PPP5C: variants seen among roughly 807,000 people sequenced by gnomAD.
The protein encoded by PPP5C is protein phosphatase 5 catalytic subunit.
In PPP5C, 21 loss-of-function variants were observed where a neutral mutation model predicts 66.7. The ratio of observed to expected loss-of-function variants is 0.31; its 90% CI spans 0.22 to 0.45. The LOEUF is 0.45. Ranked by LOEUF, PPP5C falls within the 20% of genes least tolerant of loss-of-function variation. The pLI is 1.00. For missense variants in PPP5C, 464 were observed against 675.9 expected (o/e 0.69, Z 3.48); for synonymous variants, 246 against 257.4 (o/e 0.96, Z 0.43).
chr19:46,369,425 G>A (rs1018087093), intron 2 of PPP5C, among the ~76,000 whole-genome samples: 2 of 152,168 alleles, frequency 1.3e-5, no homozygotes, highest in African/African-American at 4.8e-5. Context: ...GAGGTCAGGA[G>A]ATCAAGACCA....
chr19:46,347,156 G>C lies in PPP5C; in HGVS notation c.60G>C (p.Pro20=), dbSNP rs1217542277. ...ECAEPPRDEP[P]ADGALKRAEE... ...CTGAGCCCCCCCGGGACGAACCCCC[G>C]GCTGATGGAGCTCTGAAGCGGGCAG... Residue 20 remains proline (P), a synonymous_variant, in exon 1 of 13, where the codon CCG becomes CCC. Transcript: ENST00000012443. 1 of 1,605,224 alleles carries C rather than the reference G, an allele frequency of 6.2e-7. No homozygotes were observed. The highest frequency in any genetic ancestry group is 1.3e-5 in the African/African-American group (1 of 74,744).
At chr19:46,380,483 A>G (rs1972771630) in intron 4 of PPP5C, among the ~76,000 whole-genome samples, 1 of 152,196 alleles carries the variant, frequency 6.6e-6, no homozygotes, top group East Asian at 1.9e-4. Flanking sequence ...TACACAGAAA[A>G]TGTCTTTTAT....
chr19:46,380,632 C>T (rs140411384), intron 4 of PPP5C, among the ~76,000 whole-genome samples: 183 of 152,280 alleles, frequency 1.2e-3, no homozygotes, highest in African/African-American at 4.2e-3. Flanking sequence ...CTTTGGTCTG[C>T]CTGAAAATGT....
intron 2 of PPP5C, among the ~76,000 whole-genome samples, chr19:46,358,800 G>A (rs956891469): frequency 6.6e-6 from 1 of 152,156 alleles, no homozygotes; most frequent in African/African-American, 2.4e-5. Flanking sequence ...TTGGCTCTGC[G>A]TTATTAAATT....
In PPP5C at chr19:46,353,927, C is replaced by T. The variant is rs370743592; in HGVS notation, c.301C>T (p.Arg101Cys). 2.5e-6 allele frequency: 4 copies of T among 1,605,690 alleles called. No homozygotes were observed. Among genetic ancestry groups the T allele is most frequent in the Admixed American group, 1.7e-5 (1 of 58,174 alleles). The change falls in exon 2 of 13, where the codon CGC becomes TGC. Residue 101 changes from arginine (R) to cysteine (C), a missense_variant. Coordinates refer to ENST00000012443, the MANE Select transcript of PPP5C (RefSeq NM_006247.4). ...LDKKYIKGYY[R>C]RAASNMALGK... Reference sequence around the variant, plus strand: ...CAAGAAGTACATCAAGGGTTATTACCGCCGGGCTGCCAGCAACATGGCACT... The same window carrying T: ...CAAGAAGTACATCAAGGGTTATTACTGCCGGGCTGCCAGCAACATGGCACT...
intron 4 of PPP5C, among the ~76,000 whole-genome samples, chr19:46,379,702 T>C (rs1972757536): frequency 6.6e-6 from 1 of 152,184 alleles, no homozygotes; most frequent in Non-Finnish European, 1.5e-5. Flanking sequence ...TACTTTTGAA[T>C]GTGTGTGGCG....
chr19:46,349,908 C>T (rs1222372865), intron 1 of PPP5C, among the ~76,000 whole-genome samples: 1 of 150,138 alleles, frequency 6.7e-6, no homozygotes, highest in African/African-American at 2.4e-5. Context: ...CAGAGCCAGG[C>T]ATGGAGGCCA....
chr19:46,365,978 C>T (rs1007978533), intron 2 of PPP5C, among the ~76,000 whole-genome samples: 11 of 152,124 alleles, frequency 7.2e-5, no homozygotes, highest in Non-Finnish European at 1.5e-4. Flanking sequence ...TGCTCATAGA[C>T]AAAGATGGAA....
rs376216393 is a variant in PPP5C at position 46,355,045 on chromosome 19, C to G, written c.363+1056C>G. 2.6e-5 allele frequency among the ~76,000 whole-genome samples: 4 copies of G among 152,258 alleles called. No individual in the cohort carries two copies. In the East Asian group the frequency reaches 7.7e-4, roughly 29 times the overall value. On this transcript the variant is annotated intron_variant, in intron 2 of 12. Coordinates refer to ENST00000012443, the MANE Select transcript of PPP5C (RefSeq NM_006247.4). ...CCCTGGGACGTGGGAACTGGGATTA[C>G]TCCCCTTGCACAGATGAGGAAACAG...
Position 46,376,436 on chromosome 19 carries a change from C to T in PPP5C, c.512-17C>T, listed in dbSNP as rs747209325. On this transcript the variant is annotated splice_polypyrimidine_tract_variant and intron_variant, in intron 3 of 12. Coordinates refer to ENST00000012443, the MANE Select transcript of PPP5C (RefSeq NM_006247.4). This position sits in a 1 kb window ranked among gnomAD's most constrained non-coding sequence, Gnocchi z 5.1. ...GCTGTGGTCACTGACTCTCGTGTCC[C>T]GTTGTTCACACCCTAGCCATTGAGG... 15 of 1,611,984 alleles carry T rather than the reference C, an allele frequency of 9.3e-6. No homozygotes were observed. The South Asian group carries it at 9.9e-5, about 11-fold the overall frequency.
At chr19:46,361,293 C>T (rs1217529548) in intron 2 of PPP5C, among the ~76,000 whole-genome samples, 3 of 150,934 alleles carry the variant, frequency 2.0e-5, no homozygotes, top group Non-Finnish European at 4.4e-5. Context: ...CCACGCCCAG[C>T]GTATTTTTTG....
At chr19:46,377,172 G>A (rs954755001) in intron 4 of PPP5C, among the ~76,000 whole-genome samples, 2 of 152,194 alleles carry the variant, frequency 1.3e-5, no homozygotes, top group Non-Finnish European at 2.9e-5. Flanking sequence ...ACAGGCAGGT[G>A]ACTCTTACAG....
At chr19:46,380,457 G>A (rs1972771005) in intron 4 of PPP5C, among the ~76,000 whole-genome samples, 1 of 152,122 alleles carries the variant, frequency 6.6e-6, no homozygotes, top group South Asian at 2.1e-4. Context: ...GTCTTCTAAA[G>A]AAATACACGT....
intron 7 of PPP5C, chr19:46,386,679 C>T: frequency 3.8e-6 from 1 of 261,606 alleles, no homozygotes; most frequent in Non-Finnish European, 7.6e-6. Context: ...GTAGCATGAG[C>T]ATAGCTCACT....
intron 2 of PPP5C, among the ~76,000 whole-genome samples, chr19:46,359,969 G>A (rs1292261890): frequency 6.6e-6 from 1 of 151,964 alleles, no homozygotes; most frequent in South Asian, 2.1e-4. Flanking sequence ...ACTAGAGACG[G>A]GGTTTCACCA....
intron 1 of PPP5C, 149 bp downstream of exon 1, chr19:46,347,366 C>A: frequency 3.2e-6 from 4 of 1,265,282 alleles, no homozygotes; most frequent in Non-Finnish European, 4.2e-6. Context: ...ATGGCGCTGC[C>A]AAGGAGCGAC....
At chr19:46,347,527 A>G (rs1298387957) in intron 1 of PPP5C, among the ~76,000 whole-genome samples, 1 of 150,554 alleles carries the variant, frequency 6.6e-6, no homozygotes, top group Non-Finnish European at 1.5e-5. Flanking sequence ...GGGCGCTACC[A>G]GGCAGTGACA....
In PPP5C at chr19:46,376,620, C is replaced by T; in HGVS notation, c.633+46C>T. On this transcript the variant is annotated intron_variant, in intron 4 of 12. Transcript: ENST00000012443. The surrounding 1 kb of genome is among the most constrained non-coding windows in gnomAD (Gnocchi z 5.1). ...TGGGCACCCGGGAACCCTGGGATGG[C>T]ATCACAGCACTGCCAGCCGCGGGCA... The T allele has an allele frequency of 6.2e-7, 1 of 1,600,380 alleles. No individual in the cohort carries two copies. Among genetic ancestry groups the T allele is most frequent in the Non-Finnish European group, 8.5e-7 (1 of 1,172,574 alleles).
intron 1 of PPP5C, among the ~76,000 whole-genome samples, chr19:46,353,191 T>C (rs946913020): frequency 6.6e-6 from 1 of 152,198 alleles, no homozygotes; most frequent in East Asian, 1.9e-4. Flanking sequence ...GACATGAGGA[T>C]TCCACAGGTC....
Sources: allele counts gnomAD v4.1 joint callset (sites outside exome capture counted in the v4.1 genomes callset), GRCh38; gene constraint gnomAD v4.1.1; non-coding constraint Gnocchi (gnomAD v3.1); transcripts MANE v1.5; gene names NCBI Gene and HGNC (gene_info 2026-07-23, HGNC 2026-07-21).